Variants in CEP83 observed in about 807,000 individuals in gnomAD.
CEP83 encodes the protein centrosomal protein 83, also known as centrosomal protein of 83 kDa.
Under a neutral mutation model 101.9 loss-of-function variants are expected in CEP83, and 70 were observed. The observed-to-expected ratio is 0.69, with a 90% CI of 0.57 to 0.84. CEP83 has a LOEUF of 0.84. Ranked by LOEUF, CEP83 falls within the 40% of genes least tolerant of loss-of-function variation. The pLI, the probability that CEP83 is intolerant of heterozygous loss-of-function variation, is 0.00. For synonymous variants in CEP83, 264 were observed against 267.9 expected (o/e 0.99, Z 0.14); for missense variants, 715 against 787.2 (o/e 0.91, Z 1.10).
chr12:94,412,459 G>A lies in CEP83; in HGVS notation c.32C>T (p.Thr11Ile). 1 of 1,612,934 alleles carries A rather than the reference G, an allele frequency of 6.2e-7. No individual in the cohort carries two copies. The highest frequency in any genetic ancestry group is 8.5e-7 in the Non-Finnish European group (1 of 1,179,530). Reference protein sequence around the residue: MVVSTFTDMDTFPNNFPPGGD... With the variant: MVVSTFTDMDIFPNNFPPGGD... ...ACCAGGAGGAAAATTATTGGGAAAA[G>A]TGTCCATATCGGTAAATGTGCTGAC... is the stretch of plus-strand genomic sequence containing the variant. The change falls in exon 3 of 17, where the codon ACT (threonine) becomes ATT (isoleucine). Residue 11 changes from threonine (T) to isoleucine (I), a missense_variant. Coordinates refer to ENST00000397809, the MANE Select transcript of CEP83 (RefSeq NM_016122.3).
Position 94,375,781 on chromosome 12 carries a change from T to C in CEP83, c.933+105A>G, listed in dbSNP as rs1212667069. 6.6e-5 allele frequency: 37 copies of C among 564,388 alleles called. No individual in the cohort carries two copies. The East Asian group carries it at 1.2e-3, about 19-fold the overall frequency. 35.0% of individuals were successfully genotyped at this position (564,388 alleles called of 1,614,324 possible). ...TTATTTCTTAGAAGGCAGAATGATATAATAAAACATTTCAGTATAAAGAAA... is the reference window on the plus strand; with the variant it reads ...TTATTTCTTAGAAGGCAGAATGATACAATAAAACATTTCAGTATAAAGAAA... On this transcript the variant is annotated intron_variant, in intron 8 of 16. Coordinates refer to ENST00000397809, the MANE Select transcript of CEP83 (RefSeq NM_016122.3).
chr12:94,305,112 G>A (rs928803661), downstream of CEP83: 98 of 890,046 alleles, frequency 1.1e-4, no homozygotes, highest in Non-Finnish European at 1.7e-4. Flanking sequence ...CACAGCATCA[G>A]GTATGCAAAA....
chr12:94,456,678 C>A (rs747171881), intron 1 of CEP83, among the ~76,000 whole-genome samples: 1 of 152,134 alleles, frequency 6.6e-6, no homozygotes, highest in Non-Finnish European at 1.5e-5. Flanking sequence ...CTCACTGTCA[C>A]GAGGAACAGT....
intron 3 of CEP83, 151 bp downstream of exon 3, chr12:94,412,167 T>A: frequency 1.7e-6 from 1 of 588,240 alleles, no homozygotes; most frequent in Non-Finnish European, 2.8e-6. Flanking sequence ...CAAAGTAATT[T>A]TAAAGTAAAA....
chr12:94,368,155 G>A lies in CEP83; in HGVS notation c.1095C>T (p.His365=). ...GATCCTTTTCTACTAAGAGCACTTT[G>A]TGATGTTCAACAGCTGCTTTGAGAA... is the stretch of plus-strand genomic sequence containing the variant. ...NEILKAAVEH[H]KVLLVEKDRE... is the part of the protein sequence containing the mutation. Residue 365 remains histidine, a synonymous_variant, in exon 10 of 17, where the codon CAC becomes CAT. Coordinates refer to ENST00000397809, the MANE Select transcript of CEP83 (RefSeq NM_016122.3). The A allele has an allele frequency of 6.2e-7, 1 of 1,612,794 alleles. No individual in the cohort carries two copies. The highest frequency in any genetic ancestry group is 1.1e-5 in the South Asian group (1 of 90,942).
the CEP83 span, chr12:94,279,824 T>G: frequency 2.8e-6 from 2 of 712,172 alleles, no homozygotes; most frequent in East Asian, 2.7e-5. Flanking sequence ...TGGTCTCTCA[T>G]GGGCATCCTG....
At chr12:94,367,580 A>G (rs2061084999) in intron 11 of CEP83, among the ~76,000 whole-genome samples, 1 of 152,154 alleles carries the variant, frequency 6.6e-6, no homozygotes, top group African/African-American at 2.4e-5. Flanking sequence ...ATTTAAGTAC[A>G]GTTAATAGAT....
chr12:94,324,660 T>A (rs1276354613), intron 14 of CEP83, among the ~76,000 whole-genome samples: 1 of 152,240 alleles, frequency 6.6e-6, no homozygotes, highest in African/African-American at 2.4e-5. Flanking sequence ...TGATTTGTGC[T>A]CATCTCTTGA....
chr12:94,385,636 C>G (rs1212244591), intron 6 of CEP83, among the ~76,000 whole-genome samples: 1 of 152,174 alleles, frequency 6.6e-6, no homozygotes. Flanking sequence ...TGATAGAGTT[C>G]ACCAATGAAC....
intron 11 of CEP83, among the ~76,000 whole-genome samples, chr12:94,363,172 A>G (rs1402139973): frequency 6.6e-6 from 1 of 152,240 alleles, no homozygotes; most frequent in Non-Finnish European, 1.5e-5. Flanking sequence ...AGAAGAGACG[A>G]TTTTGAATGT....
intron 6 of CEP83, among the ~76,000 whole-genome samples, chr12:94,391,269 A>G (rs1328633791): frequency 6.6e-6 from 1 of 152,244 alleles, no homozygotes; most frequent in Non-Finnish European, 1.5e-5. Flanking sequence ...TCAAACTAAC[A>G]GCGGATCTCT....
At chr12:94,368,769 A>G (rs989882858) in intron 9 of CEP83, 2 of 152,258 alleles carry the variant, frequency 1.3e-5, no homozygotes, top group Non-Finnish European at 2.9e-5. Flanking sequence ...AAGTGAAAAC[A>G]AAATGCAGCA....
intron 11 of CEP83, among the ~76,000 whole-genome samples, chr12:94,340,508 C>T (rs1004539504): frequency 2.0e-5 from 3 of 151,768 alleles, no homozygotes; most frequent in South Asian, 2.1e-4. Context: ...ACAATCTTGG[C>T]TCACTGTAAC....
intron 11 of CEP83, among the ~76,000 whole-genome samples, chr12:94,364,066 AAGAC>A (rs2060905961): frequency 6.6e-6 from 1 of 152,138 alleles, no homozygotes; most frequent in Non-Finnish European, 1.5e-5. Flanking sequence ...AAAATCCTAA[AAGAC>A]AGAAAGTGAA....
At chr12:94,383,654 G>A (rs968486240) in intron 6 of CEP83, among the ~76,000 whole-genome samples, 42 of 151,984 alleles carry the variant, frequency 2.8e-4, no homozygotes, top group African/African-American at 9.4e-4. Context: ...TGATTGATAC[G>A]TTAAGCCATT....
chr12:94,373,851 A>G (rs1364361286), intron 8 of CEP83, among the ~76,000 whole-genome samples: 2 of 152,242 alleles, frequency 1.3e-5, no homozygotes, highest in African/African-American at 4.8e-5. Context: ...CAAAATGTTG[A>G]TGAAAACTTC....
chr12:94,353,340 T>C (rs1565968760), intron 11 of CEP83, among the ~76,000 whole-genome samples: 1 of 152,092 alleles, frequency 6.6e-6, no homozygotes, highest in Non-Finnish European at 1.5e-5. Context: ...CAACAAGAAA[T>C]TCTTAAGGGA....
At chr12:94,443,480 A>G (rs968539302) in intron 1 of CEP83, among the ~76,000 whole-genome samples, 2 of 151,824 alleles carry the variant, frequency 1.3e-5, no homozygotes, top group South Asian at 4.2e-4. Context: ...TTGCCCCAGG[A>G]TATTTATTCT....
At chr12:94,425,150 C>T (rs1015547289) in intron 2 of CEP83, among the ~76,000 whole-genome samples, 1 of 151,800 alleles carries the variant, frequency 6.6e-6, no homozygotes, top group Non-Finnish European at 1.5e-5. Context: ...AGGGGGGCTG[C>T]CTCTGGTTCA....
Sources: gnomAD v4.1 joint callset for allele counts (sites outside exome capture counted in the v4.1 genomes callset) on GRCh38, gnomAD v4.1.1 for gene constraint, MANE v1.5 for transcripts, NCBI Gene and HGNC (gene_info 2026-07-23, HGNC 2026-07-21) for gene names.